The following TMEM231 variants were observed in gnomAD, a reference collection of about 807,000 sequenced individuals.
The protein encoded by TMEM231 is transmembrane protein 231.
In TMEM231, 40 loss-of-function variants were observed where a neutral mutation model predicts 38.5. That is an observed-to-expected ratio of 1.04 (90% CI 0.81 to 1.35). The LOEUF is 1.35. Ranked by LOEUF, TMEM231 falls within the 40% of genes most tolerant of loss-of-function variation. The pLI is 0.00. For synonymous variants in TMEM231, 199 were observed against 181.7 expected (o/e 1.10, Z -0.77); for missense variants, 420 against 416.9 (o/e 1.01, Z -0.07).
In TMEM231 at chr16:75,542,219, G is replaced by A. The variant is rs1055346277; in HGVS notation, c.664+383C>T. On this transcript the variant is annotated intron_variant, in intron 5 of 6. Coordinates refer to ENST00000258173, the MANE Select transcript of TMEM231 (RefSeq NM_001077418.3). ...TGCTAATGTGGGGAGAGTCACCCAC[G>A]TTCTCTGTTTTTCTCTGAAAAGCAT... is the stretch of plus-strand genomic sequence containing the variant. Among the ~76,000 whole-genome samples, 6 of 152,030 alleles carry A rather than the reference G, an allele frequency of 3.9e-5. No homozygotes were observed. In the East Asian group the frequency reaches 5.8e-4, roughly 15 times the overall value.
intron 2 of TMEM231, among the ~76,000 whole-genome samples, chr16:75,552,964 G>T (rs2080778308): frequency 6.6e-6 from 1 of 152,106 alleles, no homozygotes. Flanking sequence ...GGCTTGAGGG[G>T]GAAAAAGTCA....
Position 75,556,068 on chromosome 16 carries a change from C to T in TMEM231, c.139+3G>A, listed in dbSNP as rs1221676373. 1 of 1,566,062 alleles carries T rather than the reference C, an allele frequency of 6.4e-7. No individual in the cohort carries two copies. The highest frequency in any genetic ancestry group is 1.2e-5 in the South Asian group (1 of 85,702). ...CGTGGCACAGCGGCCGGGGCAGGCT[C>T]ACCGTGGCTCCGGAAGGCCACCAGC... On this transcript the variant is annotated splice_donor_region_variant and intron_variant, in intron 1 of 6. Coordinates refer to ENST00000258173, the MANE Select transcript of TMEM231 (RefSeq NM_001077418.3).
intron 4 of TMEM231, 56 bp from the exon 5 acceptor site, chr16:75,542,739 C>T: frequency 2.0e-6 from 3 of 1,530,686 alleles, no homozygotes; most frequent in South Asian, 2.3e-5. Context: ...TCCCCTTTTC[C>T]TTCTACCCTT....
chr16:75,547,813 C>T (rs1402498554), intron 2 of TMEM231, among the ~76,000 whole-genome samples: 2 of 152,098 alleles, frequency 1.3e-5, no homozygotes, highest in Non-Finnish European at 2.9e-5. Flanking sequence ...AAAGAGCCTG[C>T]CTTGTCTCCT....
chr16:75,540,261 C>A (rs892048316), intron 6 of TMEM231, 87 bp from the exon 7 acceptor site: 1 of 1,350,924 alleles, frequency 7.4e-7, no homozygotes, highest in South Asian at 1.5e-5. Context: ...AGAGGTATCT[C>A]GAAAGGAGGC....
chr16:75,546,976 G>C (rs1005963881), intron 2 of TMEM231, among the ~76,000 whole-genome samples: 1 of 152,092 alleles, frequency 6.6e-6, no homozygotes, highest in African/African-American at 2.4e-5. Flanking sequence ...GAGGAAAAAA[G>C]ACAAAATACA....
Position 75,538,180 on chromosome 16 carries a change from C to T in TMEM231, c.*1814G>A, listed in dbSNP as rs1222214550. On this transcript the variant is annotated 3_prime_UTR_variant, in exon 7 of 7. Coordinates refer to ENST00000258173, the MANE Select transcript of TMEM231 (RefSeq NM_001077418.3). ...TAACAGATAGGGTCTCACTCTGTCACCCAGGCTACAGTACAGTGGTGCAAT... is the reference window on the plus strand; with the variant it reads ...TAACAGATAGGGTCTCACTCTGTCATCCAGGCTACAGTACAGTGGTGCAAT... 6.6e-6 allele frequency: 1 copy of T among 152,072 alleles called. No individual in the cohort carries two copies. Among genetic ancestry groups the T allele is most frequent in the African/African-American group, 2.4e-5 (1 of 41,398 alleles). The allele number at this position is 152,072 out of a possible 1,614,324, so 9.4% of individuals were successfully genotyped here. A position where few individuals can be genotyped will look rare whatever the true frequency, so the allele number is the denominator to read the frequency against.
rs1446099943 is a variant in TMEM231 at position 75,555,893 on chromosome 16, C to A, written c.220G>T (p.Gly74Ter). 1.3e-6 allele frequency: 2 copies of A among 1,596,434 alleles called. No individual in the cohort carries two copies. The highest frequency in any genetic ancestry group is 1.3e-5 in the African/African-American group (1 of 74,428). The change falls in exon 2 of 7, where the codon GGA (glycine) becomes TGA (stop). Residue 74 changes from glycine to a stop codon, truncating the protein, a stop_gained. Coordinates refer to ENST00000258173, the MANE Select transcript of TMEM231 (RefSeq NM_001077418.3). LOFTEE classifies it high-confidence loss of function. ...GCGAGGAACCCGTCGCTTTCGGGTC[C>A]GAGCAGGGCCACGAGCAGCACCTGG... The part of the protein sequence containing the change: ...QHQVLLVALL[G>*]PESDGFLAWS...
chr16:75,554,288 G>A (rs1451439783), intron 2 of TMEM231, among the ~76,000 whole-genome samples: 2 of 152,096 alleles, frequency 1.3e-5, no homozygotes, highest in Non-Finnish European at 2.9e-5. Flanking sequence ...CCCTAGGCCG[G>A]GCACAGTGGC....
intron 4 of TMEM231, among the ~76,000 whole-genome samples, chr16:75,543,442 T>C (rs923973044): frequency 1.3e-5 from 2 of 152,058 alleles, no homozygotes; most frequent in African/African-American, 2.4e-5. Flanking sequence ...TGGTGGCATA[T>C]GGCTGTAATC....
At chr16:75,549,039 TG>T (rs1349231611) in intron 2 of TMEM231, among the ~76,000 whole-genome samples, 1 of 152,044 alleles carries the variant, frequency 6.6e-6, no homozygotes, top group Non-Finnish European at 1.5e-5. Context: ...GTGGGATCAA[TG>T]CATCTGGCAG....
At chr16:75,542,753 C>A in intron 4 of TMEM231, 70 bp from the exon 5 acceptor site, 3 of 1,422,700 alleles carry the variant, frequency 2.1e-6, no homozygotes, top group Non-Finnish European at 3.0e-6. Context: ...TACCCTTCTG[C>A]CCACCCAGGC....
In TMEM231 at chr16:75,555,792, G is replaced by T. The variant is rs561475784; in HGVS notation, c.309+12C>A. On this transcript the variant is annotated intron_variant, in intron 2 of 6. Transcript: ENST00000258173. Reference sequence around the variant, plus strand: ...CCCGACTCTGCCCCAGGCCCAGGCGGGAACCACGCACCGAAACGAGCGGGA... The same window carrying T: ...CCCGACTCTGCCCCAGGCCCAGGCGTGAACCACGCACCGAAACGAGCGGGA... 7.9e-6 allele frequency: 12 copies of T among 1,521,558 alleles called. No homozygotes were observed. In the African/African-American group the frequency reaches 1.2e-4, roughly 16 times the overall value. The allele number at this position is 1,521,558 out of a possible 1,614,324, so 94.3% of individuals were successfully genotyped here.
chr16:75,548,007 G>C (rs1389214346), intron 2 of TMEM231, among the ~76,000 whole-genome samples: 1 of 152,046 alleles, frequency 6.6e-6, no homozygotes, highest in South Asian at 2.1e-4. Context: ...TGTGGGAGGG[G>C]GAAAAGCTCA....
intron 2 of TMEM231, among the ~76,000 whole-genome samples, chr16:75,548,381 T>C (rs1315603713): frequency 1.3e-5 from 2 of 152,194 alleles, no homozygotes; most frequent in East Asian, 3.8e-4. Flanking sequence ...TTAAATTCAC[T>C]CATTGATCTG....
chr16:75,554,782 AG>A (rs758266889), intron 2 of TMEM231: 2 of 152,322 alleles, frequency 1.3e-5, no homozygotes, highest in East Asian at 3.9e-4. Flanking sequence ...ATAAAGTAAT[AG>A]GAGAAAAGTA....
intron 2 of TMEM231, among the ~76,000 whole-genome samples, chr16:75,547,777 C>CA (rs1260496841): frequency 6.6e-6 from 1 of 151,656 alleles, no homozygotes; most frequent in Non-Finnish European, 1.5e-5. Flanking sequence ...GACTCCATCT[C>CA]AAAAAAATAA....
Position 75,555,990 on chromosome 16 carries a change from G to T in TMEM231, c.140-17C>A. On this transcript the variant is annotated splice_polypyrimidine_tract_variant and intron_variant, in intron 1 of 6. Coordinates refer to ENST00000258173, the MANE Select transcript of TMEM231 (RefSeq NM_001077418.3). ...GCCAAAACCCTGAGTTAAAGAGGGC[G>T]GTAGGGAGGCGGTTAGGGAGGCCGG... 2 of 1,595,378 alleles carry T rather than the reference G, an allele frequency of 1.3e-6. No individual in the cohort carries two copies. Among genetic ancestry groups the T allele is most frequent in the Non-Finnish European group, 1.7e-6 (2 of 1,170,986 alleles).
In TMEM231 at chr16:75,538,422, C is replaced by T. The variant is rs1003703653; in HGVS notation, c.*1572G>A. 2 of 152,168 alleles carry T rather than the reference C, an allele frequency of 1.3e-5. No individual in the cohort carries two copies. The highest frequency in any genetic ancestry group is 2.9e-5 in the Non-Finnish European group (2 of 68,026). The allele number at this position is 152,168 out of a possible 1,614,324, so 9.4% of individuals were successfully genotyped here. On this transcript the variant is annotated 3_prime_UTR_variant, in exon 7 of 7. Coordinates refer to ENST00000258173, the MANE Select transcript of TMEM231 (RefSeq NM_001077418.3). ...TGTTTATACGTATCTTGTCATCTTTCCATATCTCATTGCCTTATGTGAATT... is the reference window on the plus strand; with the variant it reads ...TGTTTATACGTATCTTGTCATCTTTTCATATCTCATTGCCTTATGTGAATT...
Sources: allele counts gnomAD v4.1 joint callset (sites outside exome capture counted in the v4.1 genomes callset), GRCh38; gene constraint gnomAD v4.1.1; transcripts MANE v1.5; gene names NCBI Gene and HGNC (gene_info 2026-07-23, HGNC 2026-07-21).